Variants in ATXN1L observed in about 807,000 individuals in gnomAD.
ATXN1L encodes ataxin 1 like, also known as ataxin-1-like.
Under a neutral mutation model 43.4 loss-of-function variants are expected in ATXN1L, and 8 were observed. The observed-to-expected ratio is 0.18, with a 90% CI of 0.11 to 0.33. The LOEUF (loss-of-function observed/expected upper bound fraction) is 0.33. Among genes scored for constraint, ATXN1L ranks in the 10% least tolerant of loss-of-function variants. The probability of loss-of-function intolerance (pLI) is 1.00; values close to 1 mark genes in which losing one functional copy is unlikely to be tolerated. For synonymous variants in ATXN1L, 379 were observed against 360.6 expected (o/e 1.05, Z -0.58); for missense variants, 856 against 885.4 (o/e 0.97, Z 0.42).
In ATXN1L at chr16:71,850,295, C is replaced by G; in HGVS notation, c.555C>G (p.Ala185=). 6.4e-7 allele frequency: 1 copy of G among 1,551,672 alleles called. No homozygotes were observed. Among genetic ancestry groups the G allele is most frequent in the Non-Finnish European group, 8.7e-7 (1 of 1,146,976 alleles). ...VPYASLLAEG[A]TPPPQAPSPA... The stretch of plus-strand genomic sequence containing the variant: ...ATGCCTCACTTCTGGCTGAAGGAGC[C>G]ACTCCTCCCCCACAGGCTCCCTCCC... Residue 185 remains alanine (A), a synonymous_variant, in exon 3 of 3, where the codon GCC becomes GCG. Coordinates refer to ENST00000427980, the MANE Select transcript of ATXN1L (RefSeq NM_001137675.4).
chr16:71,846,271 C>T (rs1253601607), intron 1 of ATXN1L, among the ~76,000 whole-genome samples, 167 bp downstream of exon 1: 1 of 152,172 alleles, frequency 6.6e-6, no homozygotes, highest in Non-Finnish European at 1.5e-5. Context: ...TTCTCTCTGG[C>T]CTGTCCTGGA....
Position 71,850,366 on chromosome 16 carries a change from G to T in ATXN1L, c.626G>T (p.Gly209Val), listed in dbSNP as rs1025708967. 1.3e-6 allele frequency: 2 copies of T among 1,551,614 alleles called. No individual in the cohort carries two copies. Among genetic ancestry groups the T allele is most frequent in the East Asian group, 4.9e-5 (2 of 40,914 alleles). The change falls in exon 3 of 3, where the codon GGG (glycine) becomes GTG (valine). Residue 209 changes from glycine (G) to valine (V), a missense_variant. By Grantham distance (109) the Gly-to-Val change is moderately radical. Coordinates refer to ENST00000427980, the MANE Select transcript of ATXN1L (RefSeq NM_001137675.4). ...GCTCCCTCTGCCACCTCCCCATCTGGGCAATTGCCACATCATTCAAGTACT... is the reference window on the plus strand; with the variant it reads ...GCTCCCTCTGCCACCTCCCCATCTGTGCAATTGCCACATCATTCAAGTACT... ...NKAPSATSPS[G>V]QLPHHSSTQP...
chr16:71,850,730 C>G lies in ATXN1L; in HGVS notation c.990C>G (p.Thr330=). 1 of 1,551,648 alleles carries G rather than the reference C, an allele frequency of 6.4e-7. No individual in the cohort carries two copies. Among genetic ancestry groups the G allele is most frequent in the Non-Finnish European group, 8.7e-7 (1 of 1,146,996 alleles). Residue 330 remains threonine (T), a synonymous_variant, in exon 3 of 3, where the codon ACC becomes ACG. Coordinates refer to ENST00000427980, the MANE Select transcript of ATXN1L (RefSeq NM_001137675.4). ...TAGCAGCACCAGCACACCGGGGGAC[C>G]CCGGACACTGACCTTGAGGTCCAGC... ...VEVAAPAHRG[T]PDTDLEVQRV...
intron 2 of ATXN1L, among the ~76,000 whole-genome samples, chr16:71,848,807 G>A (rs1450013685): frequency 6.6e-6 from 1 of 152,084 alleles, no homozygotes; most frequent in Non-Finnish European, 1.5e-5. Context: ...GATAGCAGTA[G>A]GTGAGATCAT....
Position 71,849,813 on chromosome 16 carries a change from G to A in ATXN1L, c.73G>A (p.Asp25Asn). 6.4e-7 allele frequency: 1 copy of A among 1,550,776 alleles called. No homozygotes were observed. The highest frequency in any genetic ancestry group is 1.2e-5 in the South Asian group (1 of 83,904). ...KKRDLPVTSE[D>N]MGRTTSCSTN... ...ACGAGACCTCCCCGTGACCAGCGAG[G>A]ATATGGGGAGAACTACCAGCTGCTC... is the stretch of plus-strand genomic sequence containing the variant. The change falls in exon 3 of 3, where the codon GAT (aspartate) becomes AAT (asparagine). Residue 25 changes from aspartate to asparagine, a missense_variant. Physicochemically the swap from Asp to Asn is conservative, Grantham distance 23. Transcript: ENST00000427980.
Position 71,851,623 on chromosome 16 carries a change from C to T in ATXN1L, c.1883C>T (p.Ala628Val). 1 of 1,538,092 alleles carries T rather than the reference C, an allele frequency of 6.5e-7. No homozygotes were observed. The highest frequency in any genetic ancestry group is 8.8e-7 in the Non-Finnish European group (1 of 1,136,998). ...LCDSEGKSQP[A>V]GEGSRVVEPS... Reference sequence around the variant, plus strand: ...GACAGTGAGGGGAAGAGCCAGCCGGCAGGAGAGGGCTCCCGTGTGGTAGAG... The same window carrying T: ...GACAGTGAGGGGAAGAGCCAGCCGGTAGGAGAGGGCTCCCGTGTGGTAGAG... The change falls in exon 3 of 3, where the codon GCA becomes GTA. Residue 628 changes from alanine to valine, a missense_variant. Physicochemically the swap from Ala to Val is moderately conservative, Grantham distance 64 (BLOSUM62 0). Around this residue, in one of 7 missense-constraint regions of ATXN1L, gnomAD observed 185 missense variants for 176.8 expected, o/e 1.05. Coordinates refer to ENST00000427980, the MANE Select transcript of ATXN1L (RefSeq NM_001137675.4). This position sits in a 1 kb window ranked among gnomAD's most constrained non-coding sequence, Gnocchi z 4.9.
In ATXN1L at chr16:71,851,472, A is replaced by C. The variant is rs935147566; in HGVS notation, c.1732A>C (p.Ile578Leu). ...CHRLQVGDVC[I>L]SISLQSLNSN... Reference sequence around the variant, plus strand: ...TCGGCTACAGGTGGGAGATGTCTGCATCTCTATCAGTTTACAGAGCTTGAA... The same window carrying C: ...TCGGCTACAGGTGGGAGATGTCTGCCTCTCTATCAGTTTACAGAGCTTGAA... Residue 578 changes from isoleucine to leucine, a missense_variant, in exon 3 of 3, where the codon ATC (isoleucine) becomes CTC (leucine). Physicochemically the swap from Ile to Leu is conservative, Grantham distance 5 (BLOSUM62 2). Transcript: ENST00000427980. This position sits in a 1 kb window ranked among gnomAD's most constrained non-coding sequence, Gnocchi z 4.9. The C allele has an allele frequency of 3.2e-6, 5 of 1,551,350 alleles. No individual in the cohort carries two copies. The highest frequency in any genetic ancestry group is 4.4e-6 in the Non-Finnish European group (5 of 1,146,954).
rs906566178 is a variant in ATXN1L, at chr16:71,850,538, T to G, written c.798T>G (p.Ala266=). ...PQESQSALEA[A]AANGGQRPRE... Reference sequence around the variant, plus strand: ...AGAGCCAGTCTGCTCTGGAAGCAGCTGCTGCAAATGGAGGACAGAGACCAC... The same window carrying G: ...AGAGCCAGTCTGCTCTGGAAGCAGCGGCTGCAAATGGAGGACAGAGACCAC... The change falls in exon 3 of 3, where the codon GCT becomes GCG. Residue 266 remains alanine (A), a synonymous_variant. Transcript: ENST00000427980. 1.8e-5 allele frequency: 28 copies of G among 1,551,710 alleles called. No homozygotes were observed. In the East Asian group the frequency reaches 6.8e-4, roughly 38 times the overall value.
At position 71,850,837 on chromosome 16, in the gene ATXN1L, C is replaced by T. The variant is rs1377338921; in HGVS notation, c.1097C>T (p.Ser366Phe). 8 of 1,551,708 alleles carry T rather than the reference C, an allele frequency of 5.2e-6. No homozygotes were observed. Among genetic ancestry groups the T allele is most frequent in the Non-Finnish European group, 6.1e-6 (7 of 1,146,998 alleles). Residue 366 changes from serine to phenylalanine, a missense_variant, in exon 3 of 3, where the codon TCC becomes TTC. Physicochemically the swap from Ser to Phe is radical, Grantham distance 155. Transcript: ENST00000427980. The stretch of plus-strand genomic sequence containing the variant: ...GAGGAACCCAGCCCCCTCAACCTAT[C>T]CCATCATACCCCCGACCATCAGGGT... ...RKEEPSPLNL[S>F]HHTPDHQGEG...
At position 71,855,367 on chromosome 16, in the gene ATXN1L, T is replaced by C. The variant is rs926674032; in HGVS notation, c.*3557T>C. On this transcript the variant is annotated 3_prime_UTR_variant, in exon 3 of 3. Transcript: ENST00000427980. ...AACTTCTTTCCTTTGTGGTATCTTGTATCCTGTTTTAAAAACTAAATGAAG... is the reference window on the plus strand; with the variant it reads ...AACTTCTTTCCTTTGTGGTATCTTGCATCCTGTTTTAAAAACTAAATGAAG... 4 of 167,098 alleles carry C rather than the reference T, an allele frequency of 2.4e-5. No individual in the cohort carries two copies. In the Admixed American group the frequency reaches 2.6e-4, roughly 11 times the overall value. The allele number at this position is 167,098 out of a possible 1,614,324, so 10.4% of individuals were successfully genotyped here.
At position 71,856,450 on chromosome 16, in the gene ATXN1L, A is replaced by C. The variant is rs2033552338; in HGVS notation, c.*4640A>C. ...GGGGACTGAGGTTCTTCAGAGAAAG[A>C]GTGTGAGCTGATGACACAGTGGTTT... On this transcript the variant is annotated 3_prime_UTR_variant, in exon 3 of 3. Transcript: ENST00000427980. 6.0e-6 allele frequency: 1 copy of C among 167,096 alleles called. No homozygotes were observed. The highest frequency in any genetic ancestry group is 6.5e-5 in the Admixed American group (1 of 15,294). The allele number at this position is 167,096 out of a possible 1,614,324, so 10.4% of individuals were successfully genotyped here.
rs1455778012 is a variant in ATXN1L, at chr16:71,851,046, A to G, written c.1306A>G (p.Ile436Val). ...DSGLLPVGSE[I>V]LVASSLDVQA... ...AGGCCTGCTGCCTGTGGGCTCGGAG[A>G]TCCTGGTAGCATCAAGTCTGGACGT... The change falls in exon 3 of 3, where the codon ATC becomes GTC. Residue 436 changes from isoleucine (I) to valine (V), a missense_variant. Transcript: ENST00000427980. This position sits in a 1 kb window ranked among gnomAD's most constrained non-coding sequence, Gnocchi z 4.9. 5.8e-6 allele frequency: 9 copies of G among 1,551,392 alleles called. No individual in the cohort carries two copies. In the African/African-American group the frequency reaches 1.2e-4, roughly 21 times the overall value.
In ATXN1L at chr16:71,850,062, C is replaced by G; in HGVS notation, c.322C>G (p.Pro108Ala). The part of the protein sequence containing the change: ...PSVVNMSPLP[P>A]TFNVASSLIQ... ...TGTGGTGAATATGAGTCCCTTGCCC[C>G]CAACGTTTAATGTAGCGTCTTCACT... Residue 108 changes from proline (P) to alanine (A), a missense_variant, in exon 3 of 3, where the codon CCA becomes GCA. This residue lies in a region of ATXN1L where 490 missense variants were observed against 449.4 expected (regional missense o/e 1.09). Transcript: ENST00000427980. 1.3e-6 allele frequency: 2 copies of G among 1,551,688 alleles called. No homozygotes were observed. The highest frequency in any genetic ancestry group is 1.7e-6 in the Non-Finnish European group (2 of 1,146,990).
rs755645916 is a variant in ATXN1L, at chr16:71,855,548, A to C, written c.*3738A>C. On this transcript the variant is annotated 3_prime_UTR_variant, in exon 3 of 3. Coordinates refer to ENST00000427980, the MANE Select transcript of ATXN1L (RefSeq NM_001137675.4). The stretch of plus-strand genomic sequence containing the variant: ...TACCTGCGGGCATCATGGGCGATTT[A>C]GGGGGAAGCACAGGATGGTGGTGTG... 1 of 167,076 alleles carries C rather than the reference A, an allele frequency of 6.0e-6. No individual in the cohort carries two copies. Among genetic ancestry groups the C allele is most frequent in the Non-Finnish European group, 1.5e-5 (1 of 68,140 alleles). 10.3% of individuals were successfully genotyped at this position (167,076 alleles called of 1,614,324 possible). A position where few individuals can be genotyped will look rare whatever the true frequency, so the allele number is the denominator to read the frequency against.
At position 71,850,465 on chromosome 16, in the gene ATXN1L, T is replaced by C. The variant is rs1403520431; in HGVS notation, c.725T>C (p.Leu242Ser). 1.1e-5 allele frequency: 17 copies of C among 1,551,586 alleles called. No individual in the cohort carries two copies. The highest frequency in any genetic ancestry group is 1.4e-5 in the Non-Finnish European group (16 of 1,147,000). Reference protein sequence around the residue: ...QMSRLPAGYTLHETPPAGASP... With the variant: ...QMSRLPAGYTSHETPPAGASP... Reference sequence around the variant, plus strand: ...TCCAGGCTACCTGCTGGGTATACTTTGCATGAAACCCCTCCAGCAGGTGCC... The same window carrying C: ...TCCAGGCTACCTGCTGGGTATACTTCGCATGAAACCCCTCCAGCAGGTGCC... The change falls in exon 3 of 3, where the codon TTG (leucine) becomes TCG (serine). Residue 242 changes from leucine (L) to serine (S), a missense_variant. Leu to Ser is a moderately radical substitution (Grantham distance 145, BLOSUM62 -2). Around this residue, in one of 7 missense-constraint regions of ATXN1L, gnomAD observed 490 missense variants for 449.4 expected, o/e 1.09. Coordinates refer to ENST00000427980, the MANE Select transcript of ATXN1L (RefSeq NM_001137675.4).
Position 71,856,712 on chromosome 16 carries a change from A to G in ATXN1L, c.*4902A>G, listed in dbSNP as rs370504861. 11 of 167,264 alleles carry G rather than the reference A, an allele frequency of 6.6e-5. No individual in the cohort carries two copies. The South Asian group carries it at 1.9e-3, about 28-fold the overall frequency. The allele number at this position is 167,264 out of a possible 1,614,324, so 10.4% of individuals were successfully genotyped here. A position where few individuals can be genotyped will look rare whatever the true frequency, so the allele number is the denominator to read the frequency against. On this transcript the variant is annotated 3_prime_UTR_variant, in exon 3 of 3. Transcript: ENST00000427980. ...ACAGGATCCCTGTAGCCAAAACAGTATATGATCCAGCTGCAGAGAGCAGAC... is the reference window on the plus strand; with the variant it reads ...ACAGGATCCCTGTAGCCAAAACAGTGTATGATCCAGCTGCAGAGAGCAGAC...
rs552753481 is a variant in ATXN1L, at chr16:71,852,135, A to G, written c.*325A>G. The G allele has an allele frequency of 1.7e-5, 4 of 231,086 alleles. No homozygotes were observed. Among genetic ancestry groups the G allele is most frequent in the Non-Finnish European group, 2.7e-5 (3 of 110,548 alleles). 14.3% of individuals were successfully genotyped at this position (231,086 alleles called of 1,614,324 possible). A position where few individuals can be genotyped will look rare whatever the true frequency, so the allele number is the denominator to read the frequency against. ...TCCCCATCCCTAGCTCCTGCAAGAG[A>G]AAGTCCAGGCTTTGGGAGCAGATGG... is the stretch of plus-strand genomic sequence containing the variant. On this transcript the variant is annotated 3_prime_UTR_variant, in exon 3 of 3. Transcript: ENST00000427980.
Position 71,851,877 on chromosome 16 carries a change from A to G in ATXN1L, c.*67A>G. On this transcript the variant is annotated 3_prime_UTR_variant, in exon 3 of 3. Transcript: ENST00000427980. The surrounding 1 kb of genome is among the most constrained non-coding windows in gnomAD (Gnocchi z 4.9). ...TCGCCTCGCCGCCGTGAGCAGGCAG[A>G]GGATTTGCACACGCCGAGCAGGGAA... The G allele has an allele frequency of 1.5e-6, 2 of 1,377,834 alleles. No individual in the cohort carries two copies. The highest frequency in any genetic ancestry group is 9.5e-7 in the Non-Finnish European group (1 of 1,057,242). The allele number at this position is 1,377,834 out of a possible 1,614,324, so 85.4% of individuals were successfully genotyped here.
At position 71,851,867 on chromosome 16, in the gene ATXN1L, G is replaced by A. The variant is rs1161784505; in HGVS notation, c.*57G>A. 2.9e-6 allele frequency: 4 copies of A among 1,380,886 alleles called. No homozygotes were observed. In the African/African-American group the frequency reaches 5.8e-5, roughly 20 times the overall value. 85.5% of individuals were successfully genotyped at this position (1,380,886 alleles called of 1,614,324 possible). A position where few individuals can be genotyped will look rare whatever the true frequency, so the allele number is the denominator to read the frequency against. ...CCCCAGAGCCTCGCCTCGCCGCCGT[G>A]AGCAGGCAGAGGATTTGCACACGCC... On this transcript the variant is annotated 3_prime_UTR_variant, in exon 3 of 3. Coordinates refer to ENST00000427980, the MANE Select transcript of ATXN1L (RefSeq NM_001137675.4). The surrounding 1 kb of genome is among the most constrained non-coding windows in gnomAD (Gnocchi z 4.9).
Sources: allele counts gnomAD v4.1 joint callset (sites outside exome capture counted in the v4.1 genomes callset), GRCh38; gene constraint gnomAD v4.1.1; regional missense constraint gnomAD v4.1.1; non-coding constraint Gnocchi (gnomAD v3.1); transcripts MANE v1.5; gene names NCBI Gene and HGNC (gene_info 2026-07-23, HGNC 2026-07-21).